AIRIM: variants seen among roughly 807,000 people sequenced by gnomAD.
AIRIM encodes the protein AFG2-interacting ribosome maturation factor.
At chr1:37,685,901 T>C in the AIRIM span, among the ~76,000 whole-genome samples, 4 of 152,208 alleles carry the variant, frequency 2.6e-5, no homozygotes, top group African/African-American at 9.7e-5. Flanking sequence ...CTCTTTCCCT[T>C]ACCCTCTTCA....
At chr1:37,684,889 T>C in the AIRIM span, among the ~76,000 whole-genome samples, 1 of 152,040 alleles carries the variant, frequency 6.6e-6, no homozygotes, top group African/African-American at 2.4e-5. Flanking sequence ...CCAGGCATGG[T>C]GGCTCACACC....
At chr1:37,688,687 T>C in the AIRIM span, among the ~76,000 whole-genome samples, 2 of 152,224 alleles carry the variant, frequency 1.3e-5, no homozygotes, top group African/African-American at 2.4e-5. Flanking sequence ...AGACTCTATA[T>C]ACTGGAACTT....
At chr1:37,687,990 T>C in the AIRIM span, among the ~76,000 whole-genome samples, 1 of 152,098 alleles carries the variant, frequency 6.6e-6, no homozygotes. Flanking sequence ...CCCTAAGTGC[T>C]GGGATTACAG....
chr1:37,687,691 G>A, the AIRIM span, among the ~76,000 whole-genome samples: 5 of 151,956 alleles, frequency 3.3e-5, no homozygotes, highest in African/African-American at 7.3e-5. Flanking sequence ...TGATCATACC[G>A]CTGCACTTCA....
chr1:37,682,048 T>A, the AIRIM span: 1 of 152,136 alleles, frequency 6.6e-6, no homozygotes, highest in African/African-American at 2.4e-5. Context: ...TGAGACCCTA[T>A]CTATATTAAA....
At chr1:37,689,686 G>T in the AIRIM span, 1 of 1,614,088 alleles carries the variant, frequency 6.2e-7, no homozygotes, top group Non-Finnish European at 8.5e-7. Flanking sequence ...AATCTGGGAA[G>T]GCCCGAAGCG....
At chr1:37,690,753 T>C in the AIRIM span, among the ~76,000 whole-genome samples, 4 of 152,198 alleles carry the variant, frequency 2.6e-5, no homozygotes, top group Admixed American at 2.6e-4. Context: ...GGTGGTGGCA[T>C]GTCCTGTTAG....
the AIRIM span, chr1:37,683,343 C>T: frequency 6.2e-7 from 1 of 1,614,198 alleles, no homozygotes; most frequent in Non-Finnish European, 8.5e-7. Context: ...TGGTGTTCGT[C>T]TTTTGAAATT....
chr1:37,685,944 C>A, the AIRIM span, among the ~76,000 whole-genome samples: 1 of 152,174 alleles, frequency 6.6e-6, no homozygotes, highest in African/African-American at 2.4e-5. Flanking sequence ...TCTCATGAAG[C>A]CTGCTCTGAC....
At chr1:37,691,864 G>C in the AIRIM span, among the ~76,000 whole-genome samples, 1 of 152,240 alleles carries the variant, frequency 6.6e-6, no homozygotes, top group Admixed American at 6.5e-5. Flanking sequence ...CGGCCCGCGG[G>C]GGAGCGAGGA....
the AIRIM span, among the ~76,000 whole-genome samples, chr1:37,687,256 T>A: frequency 6.6e-6 from 1 of 151,668 alleles, no homozygotes; most frequent in Non-Finnish European, 1.5e-5. Flanking sequence ...GCCTCCTGAG[T>A]AGCTGGGATT....
chr1:37,683,379 G>C, the AIRIM span: 1 of 1,613,850 alleles, frequency 6.2e-7, no homozygotes, highest in Non-Finnish European at 8.5e-7. Flanking sequence ...GGCAAAGCTT[G>C]TATGTTTGCC....
chr1:37,685,505 C>G, the AIRIM span, among the ~76,000 whole-genome samples: 1 of 151,978 alleles, frequency 6.6e-6, no homozygotes, highest in East Asian at 1.9e-4. Flanking sequence ...TTCACCCTCC[C>G]GAGTAGCTGG....
chr1:37,685,866 T>G, the AIRIM span, among the ~76,000 whole-genome samples: 1 of 152,022 alleles, frequency 6.6e-6, no homozygotes, highest in Non-Finnish European at 1.5e-5. Flanking sequence ...GCCTAGTAAC[T>G]TTCTCTCCCC....
the AIRIM span, among the ~76,000 whole-genome samples, chr1:37,687,479 C>T: frequency 6.7e-6 from 1 of 149,744 alleles, no homozygotes. Context: ...AAAACAGGTG[C>T]AGTGGCATGC....
chr1:37,686,426 A>G, the AIRIM span: 1 of 1,613,940 alleles, frequency 6.2e-7, no homozygotes, highest in Non-Finnish European at 8.5e-7. Context: ...GCTGCTGACC[A>G]TGTCTCGCAC....
At chr1:37,681,579 A>G in the AIRIM span, 1 of 152,314 alleles carries the variant, frequency 6.6e-6, no homozygotes, top group East Asian at 1.9e-4. Flanking sequence ...ATGCTTTTTA[A>G]GTTTTATTTG....
the AIRIM span, among the ~76,000 whole-genome samples, chr1:37,687,324 G>T: frequency 1.4e-4 from 21 of 151,542 alleles, no homozygotes; most frequent in Non-Finnish European, 2.1e-4. Context: ...TAGAGACGGG[G>T]TTTCTCCATG....
chr1:37,688,383 A>G, the AIRIM span, among the ~76,000 whole-genome samples: 2 of 152,074 alleles, frequency 1.3e-5, no homozygotes, highest in African/African-American at 2.4e-5. Context: ...ACTCATACCC[A>G]CGTCTTGACT....
Sources: allele counts gnomAD v4.1 joint callset (sites outside exome capture counted in the v4.1 genomes callset), GRCh38; gene constraint gnomAD v4.1.1; transcripts MANE v1.5; gene names NCBI Gene and HGNC (gene_info 2026-07-23, HGNC 2026-07-21).